ZNF573: variants seen among roughly 807,000 people sequenced by gnomAD.
The protein encoded by ZNF573 is zinc finger protein 573.
ZNF573 carries 41 observed loss-of-function variants against 57.4 expected under a neutral mutation model. That is an observed-to-expected ratio of 0.71 (90% CI 0.56 to 0.93). ZNF573 has a LOEUF of 0.93. Ranked by LOEUF, ZNF573 falls within the 40% of genes least tolerant of loss-of-function variation. The pLI, the probability that ZNF573 is intolerant of heterozygous loss-of-function variation, is 0.00. For missense variants in ZNF573, 730 were observed against 794.8 expected (o/e 0.92, Z 0.98); for synonymous variants, 249 against 261.0 (o/e 0.95, Z 0.44).
chr19:37,742,093 A>T (rs2045332887), intron 4 of ZNF573, among the ~76,000 whole-genome samples: 1 of 152,200 alleles, frequency 6.6e-6, no homozygotes, highest in African/African-American at 2.4e-5. Context: ...AAAGAGAATG[A>T]AATACGTAGG....
At chr19:37,741,233 ATCTG>A (rs1376685625) in intron 4 of ZNF573, among the ~76,000 whole-genome samples, 3 of 151,726 alleles carry the variant, frequency 2.0e-5, no homozygotes, top group South Asian at 2.1e-4. Flanking sequence ...CTCTATCTTT[ATCTG>A]TCTGTTTATC....
chr19:37,744,194 C>G (rs1185238944), intron 4 of ZNF573, among the ~76,000 whole-genome samples: 1 of 151,838 alleles, frequency 6.6e-6, no homozygotes, highest in Admixed American at 6.6e-5. Context: ...TAACTCTCAT[C>G]ATGAGGCTTT....
At chr19:37,753,075 C>G (rs970619530) in intron 4 of ZNF573, among the ~76,000 whole-genome samples, 2 of 152,004 alleles carry the variant, frequency 1.3e-5, no homozygotes, top group Non-Finnish European at 2.9e-5. Context: ...TGCCAAAAAG[C>G]AAGACCCCGT....
chr19:37,756,508 GA>G (rs1416375728), intron 4 of ZNF573, among the ~76,000 whole-genome samples: 1 of 152,090 alleles, frequency 6.6e-6, no homozygotes, highest in Non-Finnish European at 1.5e-5. Flanking sequence ...TGTCTTATGG[GA>G]AGAATGTTAT....
At chr19:37,770,601 CAAAAAAAAAA>C (rs1008585781) in intron 3 of ZNF573, 1 of 32,894 alleles carries the variant, frequency 3.0e-5, no homozygotes, top group African/African-American at 1.2e-4. Context: ...CTCATCTCTA[CAAAAAAAAAA>C]AAAAAAAAAA....
chr19:37,775,468 G>A (rs1002106897), intron 1 of ZNF573, among the ~76,000 whole-genome samples: 2 of 152,058 alleles, frequency 1.3e-5, no homozygotes, highest in African/African-American at 4.8e-5. Flanking sequence ...GAATTCCCAA[G>A]GCACATCACC....
At chr19:37,748,234 A>G (rs2045400220) in intron 4 of ZNF573, among the ~76,000 whole-genome samples, 7 of 152,224 alleles carry the variant, frequency 4.6e-5, no homozygotes, top group Admixed American at 4.6e-4. Context: ...TGAAATCCCA[A>G]TGGAGAGTCT....
At chr19:37,771,860 CAGGATCCTATTCCTAA>C (rs772727609) in intron 2 of ZNF573, among the ~76,000 whole-genome samples, 164 bp from the exon 3 acceptor site, 17 of 152,282 alleles carry the variant, frequency 1.1e-4, no homozygotes, top group East Asian at 3.9e-4. Context: ...CCTATTGCCA[CAGGATCCTATTCCTAA>C]AGGATCCTAT....
intron 4 of ZNF573, among the ~76,000 whole-genome samples, chr19:37,763,011 G>A (rs2045567116): frequency 6.6e-6 from 1 of 151,894 alleles, no homozygotes; most frequent in Admixed American, 6.6e-5. Flanking sequence ...GACCTCAAGC[G>A]ATCCACCTGC....
At chr19:37,762,458 T>C (rs1193301682) in intron 4 of ZNF573, among the ~76,000 whole-genome samples, 1 of 152,176 alleles carries the variant, frequency 6.6e-6, no homozygotes, top group Admixed American at 6.5e-5. Context: ...CATTTTCTAA[T>C]GTTCTGTAAT....
chr19:37,742,216 G>A (rs913856825), intron 4 of ZNF573, among the ~76,000 whole-genome samples: 1 of 152,126 alleles, frequency 6.6e-6, no homozygotes, highest in Non-Finnish European at 1.5e-5. Flanking sequence ...CTAATGGATA[G>A]GAAGAATCAA....
At chr19:37,766,779 T>C (rs1301370269) in intron 4 of ZNF573, among the ~76,000 whole-genome samples, 1 of 152,152 alleles carries the variant, frequency 6.6e-6, no homozygotes, top group Non-Finnish European at 1.5e-5. Flanking sequence ...AGTGCCAACA[T>C]ATGATGCATA....
At chr19:37,776,948 C>T (rs2045714293) in intron 1 of ZNF573, among the ~76,000 whole-genome samples, 1 of 152,106 alleles carries the variant, frequency 6.6e-6, no homozygotes, top group Admixed American at 6.5e-5. Context: ...CCAATTTGCT[C>T]CCTAAGAATG....
At chr19:37,750,650 G>A (rs1463763554) in intron 4 of ZNF573, among the ~76,000 whole-genome samples, 1 of 151,762 alleles carries the variant, frequency 6.6e-6, no homozygotes, top group Non-Finnish European at 1.5e-5. Flanking sequence ...GTATAAAAAA[G>A]CAAACCTCCT....
chr19:37,757,799 CCAA>C (rs1317866993), intron 4 of ZNF573, among the ~76,000 whole-genome samples: 3 of 152,006 alleles, frequency 2.0e-5, no homozygotes, highest in Non-Finnish European at 4.4e-5. Context: ...ACCCAAATGT[CCAA>C]CAATGATAGA....
chr19:37,779,388 A>G (rs1241717138), intron 1 of ZNF573, among the ~76,000 whole-genome samples, 156 bp downstream of exon 1: 1 of 152,084 alleles, frequency 6.6e-6, no homozygotes. Context: ...TGAGATTCCG[A>G]TAACAACTGG....
rs58757674 is a variant in ZNF573 at position 37,770,832 on chromosome 19, T to TTATATATATATATATATA, written c.202+714_202+731dup. Reference sequence around the variant, plus strand: ...ACAGTTCTTTCAGGATTAAGTTATTTTATATATATATATATATATATATAT... The same window carrying TTATATATATATATATATA: ...ACAGTTCTTTCAGGATTAAGTTATTTTATATATATATATATATATATATATATATATATATATATATAT... On this transcript the variant is annotated intron_variant, in intron 3 of 4. Transcript: ENST00000536220. Among the ~76,000 whole-genome samples the TTATATATATATATATATA allele has an allele frequency of 7.3e-3, 682 of 93,508 alleles. 41 individuals carry two copies. Among genetic ancestry groups the TTATATATATATATATATA allele is most frequent in the African/African-American group, 0.014 (236 of 17,048 alleles). 61.3% of individuals were successfully genotyped at this position (93,508 alleles called of 152,430 possible).
intron 4 of ZNF573, among the ~76,000 whole-genome samples, chr19:37,746,730 C>T (rs538677831): frequency 1.4e-3 from 220 of 152,198 alleles, no homozygotes; most frequent in African/African-American, 5.1e-3. Context: ...TGTACAGACC[C>T]GCGCCTCCAC....
At chr19:37,749,337 T>A (rs568075827) in intron 4 of ZNF573, among the ~76,000 whole-genome samples, 1 of 151,982 alleles carries the variant, frequency 6.6e-6, no homozygotes, top group East Asian at 1.9e-4. Flanking sequence ...ATTTTTAAAA[T>A]ATTCTCCCTT....
Sources: gnomAD v4.1 joint callset for allele counts (sites outside exome capture counted in the v4.1 genomes callset) on GRCh38, gnomAD v4.1.1 for gene constraint, MANE v1.5 for transcripts, NCBI Gene and HGNC (gene_info 2026-07-23, HGNC 2026-07-21) for gene names.